The following CAMTA1 variants were observed in gnomAD, a reference collection of about 807,000 sequenced individuals.
CAMTA1 encodes the protein calmodulin binding transcription activator 1, also known as calmodulin-binding transcription activator 1.
In CAMTA1, 27 loss-of-function variants were observed where a neutral mutation model predicts 170.9. The observed-to-expected ratio is 0.16, with a 90% CI of 0.12 to 0.22. CAMTA1 has a LOEUF of 0.22. CAMTA1 is among the 10% of genes least tolerant of loss of function. CAMTA1 has a pLI of 1.00. For synonymous variants in CAMTA1, 833 were observed against 891.5 expected (o/e 0.93, Z 1.17); for missense variants, 1,619 against 2,217.2 (o/e 0.73, Z 5.42).
chr1:6,910,245 A>G (rs1197942534), intron 3 of CAMTA1, among the ~76,000 whole-genome samples: 2 of 152,222 alleles, frequency 1.3e-5, no homozygotes, highest in Non-Finnish European at 2.9e-5. Context: ...AAGGTTCACT[A>G]TTCAGATGAT....
At chr1:6,890,831 C>T (rs540779934) in intron 3 of CAMTA1, among the ~76,000 whole-genome samples, 3 of 152,252 alleles carry the variant, frequency 2.0e-5, no homozygotes, top group East Asian at 3.9e-4. Context: ...CTTTCCTCCC[C>T]AAATGCTAGG....
chr1:7,486,682 G>C (rs528788253), intron 6 of CAMTA1, among the ~76,000 whole-genome samples: 1 of 152,316 alleles, frequency 6.6e-6, no homozygotes, highest in Admixed American at 6.5e-5. Flanking sequence ...TGTCTGTCCT[G>C]TGTCCGGGAT....
At chr1:7,605,182 G>A (rs528485949) in intron 6 of CAMTA1, among the ~76,000 whole-genome samples, 1 of 152,222 alleles carries the variant, frequency 6.6e-6, no homozygotes, top group Non-Finnish European at 1.5e-5. Flanking sequence ...CCAGCTGCAT[G>A]ATGGGGGAAC....
rs549295215 is a variant in CAMTA1 at position 7,289,674 on chromosome 1, C to G, written c.438+40048C>G. 1.4e-3 allele frequency among the ~76,000 whole-genome samples: 218 copies of G among 152,184 alleles called. 1 individual carries two copies. Among genetic ancestry groups the G allele is most frequent in the Non-Finnish European group, 2.4e-3 (161 of 68,000 alleles). On this transcript the variant is annotated intron_variant, in intron 5 of 22. Coordinates refer to ENST00000303635, the MANE Select transcript of CAMTA1 (RefSeq NM_015215.4). ...GAGGTCATGCTAGATTTGAGTGGGC[C>G]CTTATCTAATGACTGGTGTCCTTAG...
At chr1:7,718,550 A>G (rs963427066) in intron 11 of CAMTA1, among the ~76,000 whole-genome samples, 2 of 146,268 alleles carry the variant, frequency 1.4e-5, no homozygotes, top group African/African-American at 2.5e-5. Context: ...GTCTCATTAC[A>G]GCACTTTTTT....
At chr1:6,864,504 G>T (rs1386383748) in intron 3 of CAMTA1, among the ~76,000 whole-genome samples, 1 of 152,142 alleles carries the variant, frequency 6.6e-6, no homozygotes, top group Non-Finnish European at 1.5e-5. Context: ...TCTAGACACA[G>T]TCTGCCAGGC....
At chr1:7,334,424 C>A (rs546795232) in intron 5 of CAMTA1, among the ~76,000 whole-genome samples, 1 of 152,362 alleles carries the variant, frequency 6.6e-6, no homozygotes, top group East Asian at 1.9e-4. Flanking sequence ...CTCCTGGAGG[C>A]AGTCAGTTCT....
chr1:7,304,203 G>A (rs1384272655), intron 5 of CAMTA1, among the ~76,000 whole-genome samples: 1 of 152,232 alleles, frequency 6.6e-6, no homozygotes, highest in Admixed American at 6.5e-5. Flanking sequence ...ACTTGAAAAC[G>A]GTCAAAATGG....
chr1:6,878,759 G>T (rs1317860091), intron 3 of CAMTA1, among the ~76,000 whole-genome samples: 1 of 152,200 alleles, frequency 6.6e-6, no homozygotes, highest in Non-Finnish European at 1.5e-5. Context: ...TAAAGTCCAT[G>T]GCAGTTCACC....
At chr1:7,058,651 C>T (rs1031134703) in intron 3 of CAMTA1, among the ~76,000 whole-genome samples, 3 of 152,076 alleles carry the variant, frequency 2.0e-5, no homozygotes, top group Non-Finnish European at 4.4e-5. Context: ...CACTGAAGGC[C>T]GGGCTCCCCT....
chr1:7,499,588 G>C (rs1429926737), intron 6 of CAMTA1, among the ~76,000 whole-genome samples: 2 of 146,640 alleles, frequency 1.4e-5, no homozygotes, highest in Non-Finnish European at 3.0e-5. Flanking sequence ...AGCCTGGCGT[G>C]AGTGCGTATG....
At chr1:7,759,150 GA>G (rs1443336964) in intron 22 of CAMTA1, among the ~76,000 whole-genome samples, 1 of 151,052 alleles carries the variant, frequency 6.6e-6, no homozygotes, top group Non-Finnish European at 1.5e-5. Flanking sequence ...CCCTGTCCCA[GA>G]AAAGAAAAGA....
At chr1:7,535,573 G>A (rs1392554597) in intron 6 of CAMTA1, among the ~76,000 whole-genome samples, 3 of 152,222 alleles carry the variant, frequency 2.0e-5, no homozygotes, top group Non-Finnish European at 1.5e-5. Flanking sequence ...GGAAACCTCA[G>A]CACTTTCTTG....
intron 4 of CAMTA1, among the ~76,000 whole-genome samples, chr1:7,208,102 G>A (rs995760704): frequency 6.6e-6 from 1 of 152,228 alleles, no homozygotes; most frequent in African/African-American, 2.4e-5. Context: ...CAGGCAACTG[G>A]GGAGCATTGC....
In CAMTA1 at chr1:7,738,221, TGCAGCATTTCAA is replaced by T. The variant is rs1267762147; in HGVS notation, c.3924_3935del (p.Ala1309_Ala1312del). The T allele has an allele frequency of 6.2e-7, 1 of 1,614,012 alleles. No homozygotes were observed. On this transcript the variant is annotated inframe_deletion, in exon 16 of 23. Transcript: ENST00000303635. The surrounding 1 kb of genome is among the most constrained non-coding windows in gnomAD (Gnocchi z 4.9). ...AACTCTCCCCTCCCACTCCAGAGAC[TGCAGCATTTCAA>T]GCCTCTGGATCTCAGCCTGTAGGAA...
At chr1:6,790,669 A>G (rs1222227477) in intron 1 of CAMTA1, among the ~76,000 whole-genome samples, 1 of 152,174 alleles carries the variant, frequency 6.6e-6, no homozygotes, top group Non-Finnish European at 1.5e-5. Context: ...TGCCATGAAG[A>G]ATTATATCCA....
chr1:7,614,089 G>A (rs2095542846), intron 6 of CAMTA1, among the ~76,000 whole-genome samples: 1 of 149,240 alleles, frequency 6.7e-6, no homozygotes, highest in Non-Finnish European at 1.5e-5. Flanking sequence ...AGGGATGGTG[G>A]TGGGGGCAGG....
chr1:7,348,565 G>A (rs967550999), intron 5 of CAMTA1, among the ~76,000 whole-genome samples: 1 of 152,232 alleles, frequency 6.6e-6, no homozygotes, highest in East Asian at 1.9e-4. Context: ...GCCTACAAAG[G>A]CGACTGCGTG....
chr1:7,507,136 ACT>A (rs752076787), intron 6 of CAMTA1, among the ~76,000 whole-genome samples: 2 of 147,490 alleles, frequency 1.4e-5, no homozygotes, highest in Admixed American at 6.7e-5. Flanking sequence ...ACATTCACAC[ACT>A]CACACTCACT....
Sources: allele counts gnomAD v4.1 joint callset (sites outside exome capture counted in the v4.1 genomes callset), GRCh38; gene constraint gnomAD v4.1.1; non-coding constraint Gnocchi (gnomAD v3.1); transcripts MANE v1.5; gene names NCBI Gene and HGNC (gene_info 2026-07-23, HGNC 2026-07-21).